The following CTNNA2 variants were observed in gnomAD, a reference collection of about 807,000 sequenced individuals.
CTNNA2 encodes catenin alpha 2.
A neutral mutation model predicts 101.0 loss-of-function variants in CTNNA2; 42 were observed. The ratio of observed to expected loss-of-function variants is 0.42; its 90% CI spans 0.32 to 0.54. The LOEUF is 0.54. Ranked by LOEUF, CTNNA2 falls within the 20% of genes least tolerant of loss-of-function variation. The pLI is 0.14. For synonymous variants in CTNNA2, 450 were observed against 456.4 expected (o/e 0.99, Z 0.18); for missense variants, 871 against 1,223.1 (o/e 0.71, Z 4.29).
At chr2:79,857,759 A>G (rs1041354089) in intron 3 of CTNNA2, among the ~76,000 whole-genome samples, 2 of 152,088 alleles carry the variant, frequency 1.3e-5, no homozygotes, top group African/African-American at 4.8e-5. Flanking sequence ...AATTAAATAT[A>G]CTCCTTATTG....
At chr2:79,275,556 G>T (rs1164602395) in intron 2 of CTNNA2, among the ~76,000 whole-genome samples, 1 of 151,508 alleles carries the variant, frequency 6.6e-6, no homozygotes, top group East Asian at 1.9e-4. Context: ...CAGGAAAAAA[G>T]GATCTTTTTT....
chr2:80,328,372 G>T (rs765381656), intron 7 of CTNNA2: 14 of 470,884 alleles, frequency 3.0e-5, no homozygotes, highest in Non-Finnish European at 5.7e-5. Flanking sequence ...GTTTGTGTGT[G>T]GCAGGAAAGT....
At chr2:80,144,904 T>C (rs1042603259) in intron 7 of CTNNA2, among the ~76,000 whole-genome samples, 2 of 152,276 alleles carry the variant, frequency 1.3e-5, no homozygotes, top group African/African-American at 4.8e-5. Context: ...TCCTGTGCAT[T>C]GTGGGATGTG....
At chr2:79,847,201 T>C (rs1163319770) in intron 3 of CTNNA2, among the ~76,000 whole-genome samples, 1 of 152,140 alleles carries the variant, frequency 6.6e-6, no homozygotes, top group Non-Finnish European at 1.5e-5. Flanking sequence ...TTATGTGTGG[T>C]TCAGAAGAGC....
At chr2:80,182,649 A>G (rs1301430308) in intron 7 of CTNNA2, among the ~76,000 whole-genome samples, 2 of 152,198 alleles carry the variant, frequency 1.3e-5, no homozygotes, top group Non-Finnish European at 2.9e-5. Flanking sequence ...TGTGATAGAA[A>G]ATAAGGATTA....
intron 4 of CTNNA2, among the ~76,000 whole-genome samples, chr2:79,423,054 T>C (rs1459459753): frequency 6.6e-6 from 1 of 152,182 alleles, no homozygotes; most frequent in Non-Finnish European, 1.5e-5. Context: ...TCACTTGAAA[T>C]TGGGAGGCCT....
At chr2:79,822,636 C>A (rs1269720930) in intron 3 of CTNNA2, among the ~76,000 whole-genome samples, 1 of 152,096 alleles carries the variant, frequency 6.6e-6, no homozygotes, top group African/African-American at 2.4e-5. Context: ...CCCTCAGCAC[C>A]TCCAATTCCA....
chr2:79,289,086 G>A (rs975722530), intron 2 of CTNNA2, among the ~76,000 whole-genome samples: 2 of 152,178 alleles, frequency 1.3e-5, no homozygotes, highest in Non-Finnish European at 2.9e-5. Context: ...CAAGGACAGA[G>A]TCTAATATCT....
At chr2:80,458,499 C>T (rs1029038408) in intron 9 of CTNNA2, among the ~76,000 whole-genome samples, 1 of 152,022 alleles carries the variant, frequency 6.6e-6, no homozygotes, top group Non-Finnish European at 1.5e-5. Flanking sequence ...CTACAAAATA[C>T]GTATTTATAT....
chr2:80,372,745 A>G (rs1675568125), intron 7 of CTNNA2, among the ~76,000 whole-genome samples: 1 of 150,708 alleles, frequency 6.6e-6, no homozygotes, highest in African/African-American at 2.5e-5. Flanking sequence ...TCTGTATCAT[A>G]GCATTTGTCT....
chr2:79,326,697 G>A (rs1413303347), intron 3 of CTNNA2, among the ~76,000 whole-genome samples: 2 of 152,114 alleles, frequency 1.3e-5, no homozygotes, highest in Non-Finnish European at 2.9e-5. Context: ...CTTTAATACA[G>A]CTCAGTTATA....
chr2:79,247,303 A>G (rs2104266139), intron 2 of CTNNA2, among the ~76,000 whole-genome samples: 1 of 152,364 alleles, frequency 6.6e-6, no homozygotes, highest in South Asian at 2.1e-4. Flanking sequence ...GAATTACATA[A>G]GAGTTGTTAG....
chr2:79,807,880 C>T (rs1020148377), intron 3 of CTNNA2, among the ~76,000 whole-genome samples: 3 of 152,100 alleles, frequency 2.0e-5, no homozygotes, highest in Admixed American at 6.6e-5. Context: ...TGTCGATTTA[C>T]ATTTATGAAA....
At chr2:80,410,218 G>A (rs1679446368) in intron 8 of CTNNA2, among the ~76,000 whole-genome samples, 1 of 152,166 alleles carries the variant, frequency 6.6e-6, no homozygotes, top group African/African-American at 2.4e-5. Context: ...ACAACTTTTG[G>A]TCATTTTTGA....
intron 7 of CTNNA2, among the ~76,000 whole-genome samples, chr2:79,921,213 T>C (rs565559077): frequency 6.6e-6 from 1 of 152,316 alleles, no homozygotes; most frequent in Non-Finnish European, 1.5e-5. Flanking sequence ...CTGATTCTTA[T>C]GAGCAGGCAT....
intron 7 of CTNNA2, among the ~76,000 whole-genome samples, chr2:80,248,338 G>A (rs1330502522): frequency 6.6e-6 from 1 of 152,130 alleles, no homozygotes; most frequent in African/African-American, 2.4e-5. Flanking sequence ...TGTTTCAGAT[G>A]TGATCATCAA....
intron 1 of CTNNA2, among the ~76,000 whole-genome samples, chr2:79,545,309 C>G (rs543177224): frequency 3.3e-5 from 5 of 152,310 alleles, no homozygotes; most frequent in African/African-American, 1.2e-4. Flanking sequence ...CTTCCCCACT[C>G]CCTGTCCATA....
chr2:79,960,412 A>C (rs1189985882), intron 7 of CTNNA2, among the ~76,000 whole-genome samples: 1 of 152,196 alleles, frequency 6.6e-6, no homozygotes, highest in Non-Finnish European at 1.5e-5. Context: ...TTTGGTACCT[A>C]CTGATTATCA....
chr2:80,630,488 T>A lies in CTNNA2; in HGVS notation c.2574+11260T>A, dbSNP rs550584297. Among the ~76,000 whole-genome samples, 5 of 151,928 alleles carry A rather than the reference T, an allele frequency of 3.3e-5. No individual in the cohort carries two copies. In the South Asian group the frequency reaches 8.3e-4, roughly 25 times the overall value. ...CCCGTCTCTACTAAAAATAAAAAAA[T>A]TAGCTGGGCATGGTGGGGCATGCCT... On this transcript the variant is annotated intron_variant, in intron 18 of 18. Transcript: ENST00000402739.
Sources: gnomAD v4.1 joint callset for allele counts (sites outside exome capture counted in the v4.1 genomes callset) on GRCh38, gnomAD v4.1.1 for gene constraint, MANE v1.5 for transcripts, NCBI Gene and HGNC (gene_info 2026-07-23, HGNC 2026-07-21) for gene names.